Variants in DEPDC1B observed in about 807,000 individuals in gnomAD.
DEPDC1B encodes DEP domain containing 1B.
A neutral mutation model predicts 66.5 loss-of-function variants in DEPDC1B; 51 were observed. The observed-to-expected ratio is 0.77, with a 90% confidence interval of 0.61 to 0.97. The LOEUF is 0.97. DEPDC1B is among the 50% of genes least tolerant of loss of function. The pLI, the probability that DEPDC1B is intolerant of heterozygous loss-of-function variation, is 0.00. For synonymous variants in DEPDC1B, 226 were observed against 223.6 expected, an observed-to-expected ratio of 1.01 and a Z score of -0.10; for missense variants, 552 against 637.1, an observed-to-expected ratio of 0.87 and a Z score of 1.44.
intron 2 of DEPDC1B, among the ~76,000 whole-genome samples, chr5:60,661,884 C>A (rs548127685): frequency 6.4e-4 from 97 of 152,172 alleles, no homozygotes; most frequent in Middle Eastern, 6.8e-3. Context: ...TACTAACTTG[C>A]GTGCTAGAAG....
chr5:60,686,952 T>A lies in DEPDC1B; in HGVS notation c.314+10A>T, dbSNP rs765434742. 6.2e-7 allele frequency: 1 copy of A among 1,613,122 alleles called. No homozygotes were observed. The highest frequency in any genetic ancestry group is 8.5e-7 in the Non-Finnish European group (1 of 1,179,128). On this transcript the variant is annotated intron_variant, in intron 2 of 10. Coordinates refer to ENST00000265036, the MANE Select transcript of DEPDC1B (RefSeq NM_018369.3). Reference sequence around the variant, plus strand: ...ATTCCTCACCTTCCAGGTTTACATGTTGCCATTACCTGTATAAGTGACGAT... The same window carrying A: ...ATTCCTCACCTTCCAGGTTTACATGATGCCATTACCTGTATAAGTGACGAT...
At position 60,603,340 on chromosome 5, in the gene DEPDC1B, C is replaced by T. The variant is rs566010150; in HGVS notation, c.1242+51G>A. 1.9e-5 allele frequency: 27 copies of T among 1,439,570 alleles called. 1 individual carries two copies. The South Asian group carries it at 4.1e-4, about 22-fold the overall frequency. 89.2% of individuals were successfully genotyped at this position (1,439,570 alleles called of 1,614,324 possible). The stretch of plus-strand genomic sequence containing the variant: ...TGCCCCAAGAAGCCTAGCAAGCTTA[C>T]GTGACTTTATATTGCCAATTTCATA... On this transcript the variant is annotated intron_variant, in intron 9 of 10. Coordinates refer to ENST00000265036, the MANE Select transcript of DEPDC1B (RefSeq NM_018369.3).
intron 7 of DEPDC1B, among the ~76,000 whole-genome samples, chr5:60,637,584 T>C (rs1156285828): frequency 1.3e-5 from 2 of 152,190 alleles, no homozygotes; most frequent in Non-Finnish European, 2.9e-5. Context: ...ATCTACCCAA[T>C]TAGTCCATAA....
intron 10 of DEPDC1B, 72 bp downstream of exon 10, chr5:60,599,003 T>C (rs890303124): frequency 5.1e-5 from 64 of 1,262,508 alleles, no homozygotes; most frequent in Non-Finnish European, 6.1e-5. Context: ...ACATGAAGCC[T>C]ATTAAAATAA....
chr5:60,643,580 G>A (rs1247822493), intron 5 of DEPDC1B, among the ~76,000 whole-genome samples: 1 of 152,198 alleles, frequency 6.6e-6, no homozygotes, highest in East Asian at 1.9e-4. Context: ...ATGAACTGGA[G>A]TCTTGTAAAA....
chr5:60,660,526 T>C (rs1753689558), intron 2 of DEPDC1B, among the ~76,000 whole-genome samples: 1 of 152,188 alleles, frequency 6.6e-6, no homozygotes, highest in Non-Finnish European at 1.5e-5. Flanking sequence ...ACAGCCTTCC[T>C]ATCAAAAATC....
intron 2 of DEPDC1B, among the ~76,000 whole-genome samples, chr5:60,662,228 A>C (rs899555283): frequency 6.6e-6 from 1 of 152,130 alleles, no homozygotes; most frequent in Non-Finnish European, 1.5e-5. Flanking sequence ...CTCTACTAAA[A>C]ATACAAAAAA....
chr5:60,602,417 G>A (rs951465261), intron 9 of DEPDC1B, among the ~76,000 whole-genome samples: 6 of 152,076 alleles, frequency 3.9e-5, no homozygotes, highest in African/African-American at 1.4e-4. Context: ...AGAAACAGCT[G>A]GACAATTAAT....
chr5:60,693,059 G>T (rs1754582033), intron 1 of DEPDC1B, among the ~76,000 whole-genome samples: 1 of 152,046 alleles, frequency 6.6e-6, no homozygotes, highest in Non-Finnish European at 1.5e-5. Context: ...CTGAATGTTG[G>T]TTACATGGGA....
At chr5:60,619,028 A>T (rs34899742) in intron 7 of DEPDC1B, among the ~76,000 whole-genome samples, 1 of 152,232 alleles carries the variant, frequency 6.6e-6, no homozygotes, top group Non-Finnish European at 1.5e-5. Context: ...ACAGAACCAA[A>T]GACAAAAACC....
intron 2 of DEPDC1B, chr5:60,647,824 T>G (rs1194931871): frequency 5.5e-6 from 1 of 181,258 alleles, no homozygotes; most frequent in Non-Finnish European, 1.1e-5. Context: ...CTCTAGTTCT[T>G]AATGTTGACA....
intron 7 of DEPDC1B, among the ~76,000 whole-genome samples, chr5:60,625,908 C>A (rs1752800508): frequency 6.6e-6 from 1 of 152,096 alleles, no homozygotes; most frequent in Non-Finnish European, 1.5e-5. Flanking sequence ...GTCTAATCTA[C>A]CCCTAATCCT....
intron 7 of DEPDC1B, among the ~76,000 whole-genome samples, chr5:60,621,393 A>G (rs1318616740): frequency 6.6e-6 from 1 of 152,188 alleles, no homozygotes; most frequent in Non-Finnish European, 1.5e-5. Flanking sequence ...TGTCCTTTGT[A>G]GGGACATGGA....
chr5:60,597,613 A>G lies in DEPDC1B; in HGVS notation c.*140T>C. On this transcript the variant is annotated 3_prime_UTR_variant, in exon 11 of 11. Transcript: ENST00000265036. ...ATACTAATGGCCAAACATTTTTAAA[A>G]ACTAAGGCAATCTTTATCTATATTT... 1 of 942,156 alleles carries G rather than the reference A, an allele frequency of 1.1e-6. No individual in the cohort carries two copies. Among genetic ancestry groups the G allele is most frequent in the Non-Finnish European group, 1.5e-6 (1 of 650,640 alleles). The allele number at this position is 942,156 out of a possible 1,614,324, so 58.4% of individuals were successfully genotyped here.
At chr5:60,613,626 G>C (rs1460777886) in intron 7 of DEPDC1B, among the ~76,000 whole-genome samples, 1 of 152,070 alleles carries the variant, frequency 6.6e-6, no homozygotes, top group African/African-American at 2.4e-5. Context: ...TCTGCCTCAG[G>C]AATATTAAAA....
intron 2 of DEPDC1B, among the ~76,000 whole-genome samples, chr5:60,662,147 G>T (rs1753730349): frequency 6.6e-6 from 1 of 151,282 alleles, no homozygotes. Flanking sequence ...CCAGCACTTT[G>T]GGAGGCTGAG....
Position 60,681,576 on chromosome 5 carries a change from T to C in DEPDC1B, c.314+5386A>G, listed in dbSNP as rs137921217. Among the ~76,000 whole-genome samples, 620 of 152,116 alleles carry C rather than the reference T, an allele frequency of 4.1e-3. 7 individuals carry two copies. The highest frequency in any genetic ancestry group is 0.014 in the African/African-American group (577 of 41,480). ...TCCACCAGATACACAGATAACAACA[T>C]TGAGACATAAAAACAATGAAAAGGC... On this transcript the variant is annotated intron_variant, in intron 2 of 10. Coordinates refer to ENST00000265036, the MANE Select transcript of DEPDC1B (RefSeq NM_018369.3).
At chr5:60,652,190 C>T (rs956014588) in intron 2 of DEPDC1B, among the ~76,000 whole-genome samples, 2 of 149,372 alleles carry the variant, frequency 1.3e-5, no homozygotes, top group African/African-American at 5.0e-5. Context: ...GCGCTTCATG[C>T]ACCTTTCATG....
intron 2 of DEPDC1B, among the ~76,000 whole-genome samples, chr5:60,684,204 C>A (rs985708391): frequency 6.6e-5 from 10 of 152,104 alleles, no homozygotes; most frequent in African/African-American, 2.4e-4. Context: ...TCAACGCAGT[C>A]TTTATCAAAT....
Sources: gnomAD v4.1 joint callset for allele counts (sites outside exome capture counted in the v4.1 genomes callset) on GRCh38, gnomAD v4.1.1 for gene constraint, MANE v1.5 for transcripts, NCBI Gene and HGNC (gene_info 2026-07-23, HGNC 2026-07-21) for gene names.